Variants in SCUBE1 observed in about 807,000 individuals in gnomAD.
SCUBE1 encodes the protein signal peptide, CUB domain and EGF like domain containing 1.
A neutral mutation model predicts 124.4 loss-of-function variants in SCUBE1; 59 were observed. The observed-to-expected ratio is 0.47, with a 90% confidence interval of 0.38 to 0.59. SCUBE1 has a LOEUF of 0.59. Ranked by LOEUF, SCUBE1 falls within the 20% of genes least tolerant of loss-of-function variation. SCUBE1 has a pLI of 0.00. For missense variants in SCUBE1, 1,150 were observed against 1,371.2 expected, an observed-to-expected ratio of 0.84 and a Z score of 2.55; for synonymous variants, 545 against 550.9, an observed-to-expected ratio of 0.99 and a Z score of 0.15.
intron 14 of SCUBE1, 47 bp from the exon 15 acceptor site, chr22:43,218,505 A>G: frequency 6.3e-7 from 1 of 1,590,042 alleles, no homozygotes; most frequent in Non-Finnish European, 8.5e-7. Context: ...CAACCTTGCT[A>G]GCCGCTGCCT....
intron 16 of SCUBE1, chr22:43,213,507 C>T (rs1921665425): frequency 6.6e-6 from 1 of 152,296 alleles, no homozygotes; most frequent in African/African-American, 2.4e-5. Context: ...GGAAGAAAGG[C>T]TCATGGGGAG....
intron 6 of SCUBE1, among the ~76,000 whole-genome samples, chr22:43,249,281 C>G (rs776779995): frequency 7.1e-6 from 1 of 140,202 alleles, no homozygotes; most frequent in African/African-American, 2.7e-5. Context: ...TGGAGATGGT[C>G]GCTGCAGAAG....
chr22:43,332,390 T>A (rs144433252), intron 2 of SCUBE1, among the ~76,000 whole-genome samples: 97 of 152,190 alleles, frequency 6.4e-4, no homozygotes, highest in African/African-American at 2.2e-3. Context: ...TTCCAGCCCC[T>A]CCCATTCCCA....
intron 4 of SCUBE1, among the ~76,000 whole-genome samples, chr22:43,280,154 G>C (rs1238647141): frequency 2.0e-5 from 3 of 152,100 alleles, no homozygotes; most frequent in Non-Finnish European, 4.4e-5. Context: ...GTTCGGCGCT[G>C]TCTGCCTCTT....
Position 43,337,483 on chromosome 22 carries a change from G to C in SCUBE1, c.220+1621C>G, listed in dbSNP as rs948436545. ...CACACCAGCCTCACATGTACCACTC[G>C]AACCAGCGAGCTAACCTCTGGCCCT... is the stretch of plus-strand genomic sequence containing the variant. On this transcript the variant is annotated intron_variant, in intron 2 of 21. Coordinates refer to ENST00000360835, the MANE Select transcript of SCUBE1 (RefSeq NM_173050.5). Among the ~76,000 whole-genome samples, 8 of 152,314 alleles carry C rather than the reference G, an allele frequency of 5.3e-5. 1 individual carries two copies. The highest frequency in any genetic ancestry group is 1.9e-4 in the East Asian group (1 of 5,172).
At chr22:43,313,427 G>T (rs1479865780) in intron 3 of SCUBE1, among the ~76,000 whole-genome samples, 1 of 152,244 alleles carries the variant, frequency 6.6e-6, no homozygotes, top group Non-Finnish European at 1.5e-5. Context: ...AATGGCTTTA[G>T]AGAAAGAGGA....
chr22:43,343,129 C>G (rs1232800515), intron 1 of SCUBE1, 45 bp downstream of exon 1: 6 of 1,020,538 alleles, frequency 5.9e-6, no homozygotes, highest in Admixed American at 5.1e-5. Context: ...CTCGGCCGCC[C>G]GAGCCCCCCG....
intron 21 of SCUBE1, among the ~76,000 whole-genome samples, chr22:43,205,438 C>T (rs1921187776): frequency 6.6e-6 from 1 of 151,956 alleles, no homozygotes; most frequent in Admixed American, 6.6e-5. Context: ...AGAGCCTGGC[C>T]CAGGGAAGGT....
At position 43,210,963 on chromosome 22, in the gene SCUBE1, C is replaced by G; in HGVS notation, c.2342G>C (p.Ser781Thr). ...NHCITCPGNT[S>T]TDFDGSTNVT... ...GTTGGTGGAGCCATCGAAGTCTGTG[C>G]TGGTGTTGCCCGGACAGGTGATGCA... is the stretch of plus-strand genomic sequence containing the variant. Residue 781 changes from serine to threonine, a missense_variant, in exon 18 of 22, where the codon AGC becomes ACC. Ser to Thr is a moderately conservative substitution (Grantham distance 58). This residue lies in a region of SCUBE1 where 757 missense variants were observed against 840.9 expected (regional missense o/e 0.90). Transcript: ENST00000360835. This position sits in a 1 kb window ranked among gnomAD's most constrained non-coding sequence, Gnocchi z 4.5. 1 of 1,614,118 alleles carries G rather than the reference C, an allele frequency of 6.2e-7. No individual in the cohort carries two copies.
rs967159628 is a variant in SCUBE1 at position 43,290,974 on chromosome 22, T to G, written c.484+72A>C. On this transcript the variant is annotated intron_variant, in intron 4 of 21. Transcript: ENST00000360835. ...GACCTTGAGGGCCCCAGAATTGAGA[T>G]GTGGAGAAGGGGACTCTGGGGGCTG... The G allele has an allele frequency of 5.5e-6, 8 of 1,454,874 alleles. No individual in the cohort carries two copies. In the Admixed American group the frequency reaches 1.4e-4, roughly 25 times the overall value. The allele number at this position is 1,454,874 out of a possible 1,614,324, so 90.1% of individuals were successfully genotyped here. A position where few individuals can be genotyped will look rare whatever the true frequency, so the allele number is the denominator to read the frequency against.
At chr22:43,220,741 G>A (rs1922054681) in intron 13 of SCUBE1, among the ~76,000 whole-genome samples, 154 bp from the exon 14 acceptor site, 1 of 152,224 alleles carries the variant, frequency 6.6e-6, no homozygotes, top group South Asian at 2.1e-4. Flanking sequence ...CTGGCTCGGG[G>A]TCTCAGGAGG....
intron 3 of SCUBE1, among the ~76,000 whole-genome samples, chr22:43,317,281 G>C (rs1383978831): frequency 6.6e-6 from 1 of 152,122 alleles, no homozygotes; most frequent in East Asian, 1.9e-4. Context: ...CACCTAATAG[G>C]GGCTAGTCAC....
Position 43,211,851 on chromosome 22 carries a change from C to A in SCUBE1, c.2221+574G>T, listed in dbSNP as rs764414793. On this transcript the variant is annotated intron_variant, in intron 17 of 21. Transcript: ENST00000360835. The surrounding 1 kb of genome is among the most constrained non-coding windows in gnomAD (Gnocchi z 4.5). ...TTTTTTTAAATGGGCAAATTCAGAA[C>A]AGTTTGTATGTGCAGGGGAGTATCT... is the stretch of plus-strand genomic sequence containing the variant. Among the ~76,000 whole-genome samples the A allele has an allele frequency of 3.9e-5, 6 of 152,016 alleles. No individual in the cohort carries two copies. Among genetic ancestry groups the A allele is most frequent in the Non-Finnish European group, 8.8e-5 (6 of 68,014 alleles).
intron 4 of SCUBE1, among the ~76,000 whole-genome samples, 160 bp from the exon 5 acceptor site, chr22:43,263,005 G>A (rs887098771): frequency 3.3e-5 from 5 of 152,208 alleles, no homozygotes; most frequent in South Asian, 2.1e-4. Context: ...ACACATATGC[G>A]TGTGTGCAGC....
At chr22:43,307,928 C>G (rs1282738056) in intron 3 of SCUBE1, among the ~76,000 whole-genome samples, 1 of 151,238 alleles carries the variant, frequency 6.6e-6, no homozygotes, top group Non-Finnish European at 1.5e-5. Context: ...TGATTCTGCC[C>G]TGATTGCTGG....
intron 4 of SCUBE1, among the ~76,000 whole-genome samples, chr22:43,265,990 A>G (rs1924048276): frequency 6.6e-6 from 1 of 152,060 alleles, no homozygotes; most frequent in Non-Finnish European, 1.5e-5. Flanking sequence ...AATCCCAGTT[A>G]CTTGGGAGGC....
intron 4 of SCUBE1, among the ~76,000 whole-genome samples, chr22:43,273,615 T>C (rs1190220760): frequency 7.9e-6 from 1 of 126,724 alleles, no homozygotes; most frequent in Non-Finnish European, 1.6e-5. Flanking sequence ...CCGCCCAGGC[T>C]GGAGTGCAGT....
At chr22:43,244,111 G>A (rs1923111736) in intron 6 of SCUBE1, among the ~76,000 whole-genome samples, 1 of 151,978 alleles carries the variant, frequency 6.6e-6, no homozygotes, top group African/African-American at 2.4e-5. Context: ...ATAAGGCCCA[G>A]ACCTCGCCTT....
At chr22:43,259,971 G>A (rs1923811979) in intron 5 of SCUBE1, among the ~76,000 whole-genome samples, 2 of 152,184 alleles carry the variant, frequency 1.3e-5, no homozygotes, top group Admixed American at 1.3e-4. Context: ...TCACCTCAAC[G>A]GCCAGGAAGG....
Sources: allele counts gnomAD v4.1 joint callset (sites outside exome capture counted in the v4.1 genomes callset), GRCh38; gene constraint gnomAD v4.1.1; regional missense constraint gnomAD v4.1.1; non-coding constraint Gnocchi (gnomAD v3.1); transcripts MANE v1.5; gene names NCBI Gene and HGNC (gene_info 2026-07-23, HGNC 2026-07-21).